Variants in SV2B observed in about 807,000 individuals in gnomAD.
SV2B encodes the protein solute carrier family 22 member B2.
A neutral mutation model predicts 73.9 loss-of-function variants in SV2B; 41 were observed. The observed-to-expected ratio is 0.56, with a 90% confidence interval of 0.43 to 0.72. SV2B has a LOEUF of 0.72. SV2B is among the 30% of genes least tolerant of loss of function. The pLI, the probability that SV2B is intolerant of heterozygous loss-of-function variation, is 0.00. For missense variants in SV2B, 764 were observed against 857.8 expected (o/e 0.89, Z 1.37); for synonymous variants, 314 against 314.2 (o/e 1.00, Z 0.01).
chr15:91,157,932 T>A (rs908520865), intron 1 of SV2B, among the ~76,000 whole-genome samples: 1 of 152,186 alleles, frequency 6.6e-6, no homozygotes, highest in Non-Finnish European at 1.5e-5. Context: ...CCTCTGACCT[T>A]CTAGGTCTGT....
Position 91,110,765 on chromosome 15 carries a change from CT to C in SV2B, c.-392+10403del, listed in dbSNP as rs1352005675. On this transcript the variant is annotated intron_variant, in intron 1 of 12. Coordinates refer to ENST00000394232, the MANE Select transcript of SV2B (RefSeq NM_001323032.3). This position sits in a 1 kb window ranked among gnomAD's most constrained non-coding sequence, Gnocchi z 5.4. Reference sequence around the variant, plus strand: ...GGGCTCAAGGAATTTAGTTCCACCCCTAGCACTATGACAAGTGACGAACACA... The same window carrying C: ...GGGCTCAAGGAATTTAGTTCCACCCCAGCACTATGACAAGTGACGAACACA... 1.3e-5 allele frequency among the ~76,000 whole-genome samples: 2 copies of C among 152,188 alleles called. No homozygotes were observed. Among genetic ancestry groups the C allele is most frequent in the Non-Finnish European group, 2.9e-5 (2 of 68,030 alleles).
At chr15:91,191,059 G>GTTTC in intron 1 of SV2B, among the ~76,000 whole-genome samples, 2 of 59,754 alleles carry the variant, frequency 3.3e-5, no homozygotes, top group South Asian at 6.5e-4. Context: ...TTTTTTTGGT[G>GTTTC]TTTCTTTTTT....
intron 1 of SV2B, among the ~76,000 whole-genome samples, chr15:91,159,849 G>A (rs541565006): frequency 6.6e-6 from 1 of 152,194 alleles, no homozygotes; most frequent in East Asian, 1.9e-4. Context: ...GATAATCTAA[G>A]TGTCTAAGTG....
At position 91,216,886 on chromosome 15, in the gene SV2B, C is replaced by CTTT. The variant is rs557223668; in HGVS notation, c.-391-8970_-391-8968dup. Among the ~76,000 whole-genome samples, 122 of 126,584 alleles carry CTTT rather than the reference C, an allele frequency of 9.6e-4. 3 individuals are homozygous for CTTT. The highest frequency in any genetic ancestry group is 3.6e-3 in the African/African-American group (115 of 31,700). The allele number at this position is 126,584 out of a possible 152,430, so 83.0% of individuals were successfully genotyped here. A position where few individuals can be genotyped will look rare whatever the true frequency, so the allele number is the denominator to read the frequency against. On this transcript the variant is annotated intron_variant, in intron 1 of 12. Transcript: ENST00000394232. Reference sequence around the variant, plus strand: ...CATCAGCAAGGCACTGAATAACTACCTTTTTTTTTTTTTTTTTTTGAGACC... The same window carrying CTTT: ...CATCAGCAAGGCACTGAATAACTACCTTTTTTTTTTTTTTTTTTTTTTGAGACC...
intron 1 of SV2B, among the ~76,000 whole-genome samples, chr15:91,152,409 G>A (rs1175582421): frequency 6.6e-6 from 1 of 152,146 alleles, no homozygotes; most frequent in Admixed American, 6.5e-5. Context: ...ACAGGGCACT[G>A]TTCCCACCTT....
At chr15:91,164,539 G>A (rs1567305600) in intron 1 of SV2B, among the ~76,000 whole-genome samples, 1 of 152,082 alleles carries the variant, frequency 6.6e-6, no homozygotes, top group Non-Finnish European at 1.5e-5. Flanking sequence ...TATTTTTAGT[G>A]GAACTTATTT....
Position 91,299,709 on chromosome 15 carries a change from A to T in SV2B, c.*7157A>T, listed in dbSNP as rs1464812114. 6.6e-6 allele frequency: 1 copy of T among 152,136 alleles called. No homozygotes were observed. The highest frequency in any genetic ancestry group is 1.9e-4 in the East Asian group (1 of 5,204). 9.4% of individuals were successfully genotyped at this position (152,136 alleles called of 1,614,324 possible). Reference sequence around the variant, plus strand: ...ATCTAGGCTGGAGTGCAGTGGTGCAATCTTGGCTTGCTGCAATCTCCACCT... The same window carrying T: ...ATCTAGGCTGGAGTGCAGTGGTGCATTCTTGGCTTGCTGCAATCTCCACCT... On this transcript the variant is annotated 3_prime_UTR_variant, in exon 13 of 13. Coordinates refer to ENST00000394232, the MANE Select transcript of SV2B (RefSeq NM_001323032.3).
rs902720016 is a variant in SV2B, at chr15:91,241,427, C to T, written c.452-10392C>T. On this transcript the variant is annotated intron_variant, in intron 2 of 12. Coordinates refer to ENST00000394232, the MANE Select transcript of SV2B (RefSeq NM_001323032.3). The surrounding 1 kb of genome is among the most constrained non-coding windows in gnomAD (Gnocchi z 4.8). ...CACTGGCCTCACTAAATTGATGATG[C>T]AGAGCCTCCAGAGGATCCTTTGTGC... Among the ~76,000 whole-genome samples, 1 of 152,156 alleles carries T rather than the reference C, an allele frequency of 6.6e-6. No homozygotes were observed. The highest frequency in any genetic ancestry group is 1.5e-5 in the Non-Finnish European group (1 of 68,020).
chr15:91,294,648 G>T lies in SV2B; in HGVS notation c.*2096G>T, dbSNP rs2049159137. On this transcript the variant is annotated 3_prime_UTR_variant, in exon 13 of 13. Transcript: ENST00000394232. The surrounding 1 kb of genome is among the most constrained non-coding windows in gnomAD (Gnocchi z 4.1). ...CATCTAAAACATTATTCTTTAATGG[G>T]ATAATACAATTCATTGAGCAGCTAC... 6.6e-6 allele frequency: 1 copy of T among 151,652 alleles called. No homozygotes were observed. Among genetic ancestry groups the T allele is most frequent in the South Asian group, 2.1e-4 (1 of 4,826 alleles). The allele number at this position is 151,652 out of a possible 1,614,324, so 9.4% of individuals were successfully genotyped here. A position where few individuals can be genotyped will look rare whatever the true frequency, so the allele number is the denominator to read the frequency against.
Position 91,124,343 on chromosome 15 carries a change from G to A in SV2B, c.-392+23980G>A, listed in dbSNP as rs1369432844. On this transcript the variant is annotated intron_variant, in intron 1 of 12. Transcript: ENST00000394232. This position sits in a 1 kb window ranked among gnomAD's most constrained non-coding sequence, Gnocchi z 4.6. Reference sequence around the variant, plus strand: ...GCACGACTTCCCAGGCAGGACTCTTGGGAGGATTGTGAAGCTAATGGCACC... The same window carrying A: ...GCACGACTTCCCAGGCAGGACTCTTAGGAGGATTGTGAAGCTAATGGCACC... Among the ~76,000 whole-genome samples the A allele has an allele frequency of 6.6e-6, 1 of 152,114 alleles. No individual in the cohort carries two copies. Among genetic ancestry groups the A allele is most frequent in the African/African-American group, 2.4e-5 (1 of 41,424 alleles).
At chr15:91,246,928 A>AT (rs2141591436) in intron 2 of SV2B, among the ~76,000 whole-genome samples, 1 of 152,274 alleles carries the variant, frequency 6.6e-6, no homozygotes, top group South Asian at 2.1e-4. Context: ...CACTAAGGTA[A>AT]TTTTTGATAA....
chr15:91,228,288 G>A (rs1381150916), intron 2 of SV2B, among the ~76,000 whole-genome samples: 1 of 152,092 alleles, frequency 6.6e-6, no homozygotes, highest in Non-Finnish European at 1.5e-5. Context: ...ATCACCTGGA[G>A]TTTTTAAACA....
rs556594373 is a variant in SV2B, at chr15:91,280,600, A to T, written c.1374-1128A>T. 6.6e-6 allele frequency among the ~76,000 whole-genome samples: 1 copy of T among 152,358 alleles called. No individual in the cohort carries two copies. Among genetic ancestry groups the T allele is most frequent in the South Asian group, 2.1e-4 (1 of 4,824 alleles). ...CTTGTTAAATATAGCCAACAGAGGA[A>T]GATGGTAATGTATGTGAGATACATT... On this transcript the variant is annotated intron_variant, in intron 9 of 12. Transcript: ENST00000394232. The surrounding 1 kb of genome is among the most constrained non-coding windows in gnomAD (Gnocchi z 5.8).
intron 1 of SV2B, among the ~76,000 whole-genome samples, chr15:91,155,440 A>G (rs1195915812): frequency 6.6e-6 from 1 of 152,172 alleles, no homozygotes; most frequent in African/African-American, 2.4e-5. Flanking sequence ...TGGCAGATTA[A>G]ATAATTTTAT....
chr15:91,099,766 G>C (rs1380680402), upstream of SV2B, among the ~76,000 whole-genome samples: 2 of 152,178 alleles, frequency 1.3e-5, no homozygotes, highest in Non-Finnish European at 2.9e-5. Context: ...CGATACTTTG[G>C]GGGCGGCGTG....
Position 91,278,678 on chromosome 15 carries a change from CA to C in SV2B, c.1374-3029del, listed in dbSNP as rs746732650. Among the ~76,000 whole-genome samples, 418 of 42,456 alleles carry C rather than the reference CA, an allele frequency of 9.8e-3. 4 individuals are homozygous for C. Among genetic ancestry groups the C allele is most frequent in the Admixed American group, 0.012 (52 of 4,292 alleles). The allele number at this position is 42,456 out of a possible 152,430, so 27.9% of individuals were successfully genotyped here. A position where few individuals can be genotyped will look rare whatever the true frequency, so the allele number is the denominator to read the frequency against. On this transcript the variant is annotated intron_variant, in intron 9 of 12. Coordinates refer to ENST00000394232, the MANE Select transcript of SV2B (RefSeq NM_001323032.3). ...TGGGCGACAGAGCGAGACTCCGTCTCAAAAAAAAAAAAAAAAAAAAAGAAGT... is the reference window on the plus strand; with the variant it reads ...TGGGCGACAGAGCGAGACTCCGTCTCAAAAAAAAAAAAAAAAAAAAGAAGT...
At chr15:91,133,622 C>T (rs2042724265) in intron 1 of SV2B, among the ~76,000 whole-genome samples, 1 of 152,152 alleles carries the variant, frequency 6.6e-6, no homozygotes, top group South Asian at 2.1e-4. Flanking sequence ...GCAGGGCTTC[C>T]ATCCACTGCC....
In SV2B at chr15:91,124,104, G is replaced by A. The variant is rs1370917939; in HGVS notation, c.-392+23741G>A. ...AAAATCATCCTGGGTAAACACCAAG[G>A]TGGGCAAACTGTGTTTTGGCTTGCT... On this transcript the variant is annotated intron_variant, in intron 1 of 12. Coordinates refer to ENST00000394232, the MANE Select transcript of SV2B (RefSeq NM_001323032.3). The surrounding 1 kb of genome is among the most constrained non-coding windows in gnomAD (Gnocchi z 4.6). Among the ~76,000 whole-genome samples the A allele has an allele frequency of 6.6e-6, 1 of 152,132 alleles. No individual in the cohort carries two copies. Among genetic ancestry groups the A allele is most frequent in the East Asian group, 1.9e-4 (1 of 5,198 alleles).
intron 1 of SV2B, among the ~76,000 whole-genome samples, chr15:91,127,663 G>A (rs1041097065): frequency 3.3e-5 from 5 of 152,170 alleles, no homozygotes; most frequent in African/African-American, 1.2e-4. Flanking sequence ...AGCCCAGAAG[G>A]TGTTTGTGTG....
Sources: allele counts gnomAD v4.1 joint callset (sites outside exome capture counted in the v4.1 genomes callset), GRCh38; gene constraint gnomAD v4.1.1; non-coding constraint Gnocchi (gnomAD v3.1); transcripts MANE v1.5; gene names NCBI Gene and HGNC (gene_info 2026-07-23, HGNC 2026-07-21).